RYR2: variants seen among roughly 807,000 people sequenced by gnomAD.
RYR2 encodes the protein ryanodine receptor 2.
Under a neutral mutation model 601.1 loss-of-function variants are expected in RYR2, and 227 were observed. That is an observed-to-expected ratio of 0.38 (90% confidence interval 0.34 to 0.42). RYR2 has a LOEUF of 0.42. Ranked by LOEUF, RYR2 falls within the 10% of genes least tolerant of loss-of-function variation. The probability of loss-of-function intolerance (pLI) is 1.00; values close to 1 mark genes in which losing one functional copy is unlikely to be tolerated. For synonymous variants in RYR2, 2,223 were observed against 2,175.1 expected, an observed-to-expected ratio of 1.02 and a Z score of -0.61; for missense variants, 4,646 against 6,156.5, an observed-to-expected ratio of 0.75 and a Z score of 8.21.
At chr1:237,684,081 C>T (rs1232986528) in intron 62 of RYR2, among the ~76,000 whole-genome samples, 1 of 151,672 alleles carries the variant, frequency 6.6e-6, no homozygotes, top group Admixed American at 6.6e-5. Context: ...GCACCCACCA[C>T]CATGCCCGGC....
At chr1:237,454,179 C>T (rs1167555734) in intron 14 of RYR2, among the ~76,000 whole-genome samples, 1 of 152,130 alleles carries the variant, frequency 6.6e-6, no homozygotes, top group Admixed American at 6.6e-5. Flanking sequence ...GGGTGAGTGG[C>T]CGTGGATACT....
intron 27 of RYR2, among the ~76,000 whole-genome samples, chr1:237,565,080 G>A (rs540395085): frequency 6.6e-6 from 1 of 151,606 alleles, no homozygotes; most frequent in Admixed American, 6.6e-5. Flanking sequence ...AAACAAATAG[G>A]AACTTCCTTC....
At chr1:237,731,891 T>TACACACACACACACACACACAC (rs71561898) in intron 77 of RYR2, among the ~76,000 whole-genome samples, 155 bp from the exon 78 acceptor site, 1 of 147,298 alleles carries the variant, frequency 6.8e-6, no homozygotes, top group South Asian at 2.2e-4. Context: ...GCATATAAAA[T>TACACACACACACACACACACAC]ACACACACAC....
Position 237,666,505 on chromosome 1 carries a change from G to C in RYR2, c.8437-7G>C, listed in dbSNP as rs770428535. 17 of 1,602,292 alleles carry C rather than the reference G, an allele frequency of 1.1e-5. No homozygotes were observed. The highest frequency in any genetic ancestry group is 1.4e-5 in the Non-Finnish European group (16 of 1,177,756). ...TGAGGCACTGTTTTTTCACACAAAT[G>C]ATCTAGGTTTCTGTGGACGCTGCCC... is the stretch of plus-strand genomic sequence containing the variant. On this transcript the variant is annotated splice_polypyrimidine_tract_variant and splice_region_variant and intron_variant, in intron 56 of 104. Transcript: ENST00000366574.
chr1:237,382,003 A>T (rs569434650), intron 8 of RYR2, among the ~76,000 whole-genome samples: 1 of 152,372 alleles, frequency 6.6e-6, no homozygotes, highest in Admixed American at 6.5e-5. Context: ...TAGAAAAAAC[A>T]TGGCCAAGTA....
intron 29 of RYR2, among the ~76,000 whole-genome samples, chr1:237,576,965 C>T (rs2779418): frequency 0.63 from 96,525 of 152,042 alleles, 32,073 homozygotes; most frequent in Non-Finnish European, 0.73. Context: ...CAATACTCAG[C>T]ATTGGAGAGC....
At chr1:237,120,357 T>C (rs985744825) in intron 1 of RYR2, among the ~76,000 whole-genome samples, 1 of 152,222 alleles carries the variant, frequency 6.6e-6, no homozygotes, top group Admixed American at 6.5e-5. Flanking sequence ...TTCTGGACTA[T>C]TTAGCTCCAC....
chr1:237,403,667 C>T (rs555011155), intron 10 of RYR2, among the ~76,000 whole-genome samples: 3 of 152,264 alleles, frequency 2.0e-5, no homozygotes, highest in South Asian at 4.1e-4. Flanking sequence ...CTTAACCAGT[C>T]CCCCCTCCTT....
At chr1:237,512,242 G>A (rs1461690099) in intron 24 of RYR2, among the ~76,000 whole-genome samples, 1 of 152,138 alleles carries the variant, frequency 6.6e-6, no homozygotes, top group Non-Finnish European at 1.5e-5. Flanking sequence ...GAAATGTGAG[G>A]TCATAGCCTG....
intron 1 of RYR2, among the ~76,000 whole-genome samples, chr1:237,168,722 A>G (rs1291713792): frequency 2.0e-5 from 3 of 152,224 alleles, no homozygotes; most frequent in Non-Finnish European, 4.4e-5. Flanking sequence ...GTGCCGGCAT[A>G]AAGAACAGAG....
chr1:237,701,647 C>T (rs1248971323), intron 65 of RYR2, among the ~76,000 whole-genome samples: 1 of 152,032 alleles, frequency 6.6e-6, no homozygotes, highest in Non-Finnish European at 1.5e-5. Context: ...GAACATTGTG[C>T]CCATTAAGTA....
chr1:237,696,300 T>C lies in RYR2; in HGVS notation c.9068-2665T>C, dbSNP rs555159143. On this transcript the variant is annotated intron_variant, in intron 63 of 104. Transcript: ENST00000366574. Reference sequence around the variant, plus strand: ...GATTTGGGGCTGATTAATAGTGGCATAGGACTCATATACGTTGCACTGGAT... The same window carrying C: ...GATTTGGGGCTGATTAATAGTGGCACAGGACTCATATACGTTGCACTGGAT... Among the ~76,000 whole-genome samples, 4 of 152,288 alleles carry C rather than the reference T, an allele frequency of 2.6e-5. No homozygotes were observed. The South Asian group carries it at 8.3e-4, about 32-fold the overall frequency.
chr1:237,364,238 T>G (rs1700016599), intron 4 of RYR2, 120 bp from the exon 5 acceptor site: 1 of 817,876 alleles, frequency 1.2e-6, no homozygotes, highest in Admixed American at 3.3e-5. Context: ...TTTTTTATGT[T>G]TATTGTTTAC....
intron 24 of RYR2, among the ~76,000 whole-genome samples, chr1:237,516,069 T>A (rs1172219555): frequency 6.6e-6 from 1 of 151,884 alleles, no homozygotes; most frequent in Non-Finnish European, 1.5e-5. Context: ...TCTTCTTTTT[T>A]CTCTTTGGTT....
intron 87 of RYR2, among the ~76,000 whole-genome samples, chr1:237,777,726 G>A (rs2149332349): frequency 6.6e-6 from 1 of 152,260 alleles, no homozygotes; most frequent in East Asian, 1.9e-4. Context: ...AACAAAGTTA[G>A]GTTTGTTAAA....
intron 87 of RYR2, among the ~76,000 whole-genome samples, chr1:237,774,754 C>T (rs896676055): frequency 2.6e-5 from 4 of 152,144 alleles, no homozygotes; most frequent in African/African-American, 4.8e-5. Flanking sequence ...AGTACAACAA[C>T]ATTCATGTGT....
intron 27 of RYR2, among the ~76,000 whole-genome samples, chr1:237,564,405 G>A (rs1671756419): frequency 6.6e-6 from 1 of 152,062 alleles, no homozygotes; most frequent in African/African-American, 2.4e-5. Context: ...AAGTAGCTGG[G>A]ATTACAGGCA....
chr1:237,788,172 G>GTGCAATAC, intron 92 of RYR2, 37 bp downstream of exon 92: 1 of 1,506,144 alleles, frequency 6.6e-7, no homozygotes, highest in Non-Finnish European at 9.1e-7. Flanking sequence ...TACTGATATA[G>GTGCAATAC]TGCAATACCG....
At chr1:237,424,028 A>G (rs1182314126) in intron 12 of RYR2, among the ~76,000 whole-genome samples, 1 of 152,110 alleles carries the variant, frequency 6.6e-6, no homozygotes, top group Non-Finnish European at 1.5e-5. Flanking sequence ...AAACACTTAA[A>G]AAAACCATCA....
Sources: allele counts gnomAD v4.1 joint callset (sites outside exome capture counted in the v4.1 genomes callset), GRCh38; gene constraint gnomAD v4.1.1; transcripts MANE v1.5; gene names NCBI Gene and HGNC (gene_info 2026-07-23, HGNC 2026-07-21).